ARHGAP19: variants seen among roughly 807,000 people sequenced by gnomAD.
ARHGAP19 encodes Rho GTPase activating protein 19.
A neutral mutation model predicts 60.9 loss-of-function variants in ARHGAP19; 48 were observed. That is an observed-to-expected ratio of 0.79 (90% CI 0.62 to 1.00). The LOEUF (loss-of-function observed/expected upper bound fraction) is 1.00, where lower values mean the gene tolerates loss of function less well. ARHGAP19 is among the 50% of genes least tolerant of loss of function. The pLI is 0.00. For missense variants in ARHGAP19, 562 were observed against 597.2 expected, an observed-to-expected ratio of 0.94 and a Z score of 0.61; for synonymous variants, 209 against 215.5, an observed-to-expected ratio of 0.97 and a Z score of 0.27.
chr10:97,231,043 G>A (rs1166325013), intron 9 of ARHGAP19, among the ~76,000 whole-genome samples: 3 of 41,732 alleles, frequency 7.2e-5, no homozygotes, highest in Non-Finnish European at 9.0e-5. Flanking sequence ...CACACCTAGT[G>A]AGACTCTTGT....
At chr10:97,236,803 GAAAAAAAAAAAAA>G (rs71007323) in intron 8 of ARHGAP19, among the ~76,000 whole-genome samples, 60 of 80,034 alleles carry the variant, frequency 7.5e-4, no homozygotes, top group African/African-American at 3.0e-3. Context: ...AACAGACTCA[GAAAAAAAAAAAAA>G]AAAAAAAAAT....
intron 6 of ARHGAP19, among the ~76,000 whole-genome samples, chr10:97,251,419 G>C (rs1842658241): frequency 3.3e-5 from 2 of 59,758 alleles, no homozygotes; most frequent in Admixed American, 1.4e-4. Flanking sequence ...GGAAAGGAAG[G>C]GGAAGGGAAG....
intron 1 of ARHGAP19, among the ~76,000 whole-genome samples, chr10:97,276,688 G>A (rs1270892625): frequency 5.8e-4 from 3 of 5,138 alleles, no homozygotes; most frequent in Admixed American, 4.5e-3. Context: ...CACCCCGTCC[G>A]GGAGGGAGGT....
chr10:97,264,923 T>C lies in ARHGAP19; in HGVS notation c.323-17A>G, dbSNP rs1362085415. On this transcript the variant is annotated splice_polypyrimidine_tract_variant and intron_variant, in intron 2 of 11. Transcript: ENST00000358531. ...CTCCTTTTTCTGAAAAACCATATGA[T>C]ATGACAGGGCTATATTTCACACAAA... The C allele has an allele frequency of 1.3e-6, 2 of 1,581,778 alleles. No homozygotes were observed. The highest frequency in any genetic ancestry group is 1.3e-5 in the African/African-American group (1 of 74,202).
chr10:97,279,461 C>A (rs1310564338), intron 1 of ARHGAP19, among the ~76,000 whole-genome samples: 2 of 144,386 alleles, frequency 1.4e-5, no homozygotes, highest in African/African-American at 5.1e-5. Flanking sequence ...GAACAAATTT[C>A]TTTCTTGCTT....
chr10:97,266,158 T>C, intron 1 of ARHGAP19, 33 bp from the exon 2 acceptor site: 1 of 1,609,054 alleles, frequency 6.2e-7, no homozygotes, highest in Non-Finnish European at 8.5e-7. Context: ...TTTCGGGACA[T>C]CATTTTTGTA....
intron 6 of ARHGAP19, among the ~76,000 whole-genome samples, chr10:97,253,813 G>A (rs956648096): frequency 1.3e-5 from 2 of 152,050 alleles, no homozygotes; most frequent in African/African-American, 4.8e-5. Flanking sequence ...CATATGCTGA[G>A]GTTGCTAAGA....
intron 1 of ARHGAP19, among the ~76,000 whole-genome samples, chr10:97,273,773 G>C (rs1842990159): frequency 6.6e-6 from 1 of 152,060 alleles, no homozygotes; most frequent in Non-Finnish European, 1.5e-5. Context: ...ACAGGCATGA[G>C]CCACCACACC....
At chr10:97,268,217 G>A (rs1842922626) in intron 1 of ARHGAP19, among the ~76,000 whole-genome samples, 2 of 152,146 alleles carry the variant, frequency 1.3e-5, no homozygotes, top group Non-Finnish European at 2.9e-5. Flanking sequence ...CTTTATATAA[G>A]TTCCCAACAA....
intron 1 of ARHGAP19, among the ~76,000 whole-genome samples, chr10:97,289,448 G>C (rs866325463): frequency 6.6e-6 from 1 of 152,042 alleles, no homozygotes; most frequent in African/African-American, 2.4e-5. Context: ...TGATGAAATG[G>C]TTTCAGGTTC....
rs1346804520 is a variant in ARHGAP19, at chr10:97,224,348, A to G, written c.*1774T>C. The G allele has an allele frequency of 2.0e-5, 3 of 152,256 alleles. No homozygotes were observed. Among genetic ancestry groups the G allele is most frequent in the African/African-American group, 7.2e-5 (3 of 41,472 alleles). 9.4% of individuals were successfully genotyped at this position (152,256 alleles called of 1,614,324 possible). ...TTTTCTTAATAAGAAAAAAAAAGTC[A>G]AATATTTAATAGAAACCTACGCAAA... is the stretch of plus-strand genomic sequence containing the variant. On this transcript the variant is annotated 3_prime_UTR_variant, in exon 12 of 12. Coordinates refer to ENST00000358531, the MANE Select transcript of ARHGAP19 (RefSeq NM_032900.6).
rs551505627 is a variant in ARHGAP19 at position 97,292,328 on chromosome 10, G to A, written c.56+244C>T. On this transcript the variant is annotated intron_variant, in intron 1 of 11. Coordinates refer to ENST00000358531, the MANE Select transcript of ARHGAP19 (RefSeq NM_032900.6). Reference sequence around the variant, plus strand: ...TCAGCGCTGCCACCCCCAGCTGGACGTCTGCAGCCAGCGCAGCGGGAGGAG... The same window carrying A: ...TCAGCGCTGCCACCCCCAGCTGGACATCTGCAGCCAGCGCAGCGGGAGGAG... Among the ~76,000 whole-genome samples the A allele has an allele frequency of 3.9e-5, 6 of 152,342 alleles. 1 individual carries two copies. In the South Asian group the frequency reaches 6.2e-4, roughly 16 times the overall value.
intron 1 of ARHGAP19, among the ~76,000 whole-genome samples, chr10:97,280,852 T>C (rs1824993549): frequency 6.6e-6 from 1 of 152,172 alleles, no homozygotes; most frequent in African/African-American, 2.4e-5. Flanking sequence ...CCCCAAGTGC[T>C]GGCATTAGGC....
chr10:97,292,449 G>A (rs1163771832), intron 1 of ARHGAP19, 123 bp downstream of exon 1: 1 of 1,309,230 alleles, frequency 7.6e-7, no homozygotes, highest in African/African-American at 1.5e-5. Flanking sequence ...GCGCGACGAT[G>A]AGAAACGCCG....
chr10:97,291,800 T>C (rs1161506584), intron 1 of ARHGAP19, among the ~76,000 whole-genome samples: 2 of 151,950 alleles, frequency 1.3e-5, no homozygotes, highest in East Asian at 1.9e-4. Flanking sequence ...AAAAACAAAA[T>C]TGTAATCAAT....
chr10:97,288,237 C>T (rs1843181072), intron 1 of ARHGAP19, among the ~76,000 whole-genome samples: 1 of 151,980 alleles, frequency 6.6e-6, no homozygotes, highest in Non-Finnish European at 1.5e-5. Context: ...ACCATTTTTC[C>T]TCTTCTTTAT....
rs879561476 is a variant in ARHGAP19 at position 97,283,553 on chromosome 10, C to CA, written c.56+9018dup. 4.9e-3 allele frequency among the ~76,000 whole-genome samples: 652 copies of CA among 132,936 alleles called. 1 individual carries two copies. The highest frequency in any genetic ancestry group is 7.8e-3 in the Middle Eastern group (2 of 258). 87.2% of individuals were successfully genotyped at this position (132,936 alleles called of 152,430 possible). On this transcript the variant is annotated intron_variant, in intron 1 of 11. Transcript: ENST00000358531. ...TGGGCAACAGAGTGAGACTCTGTCT[C>CA]AAAAAAAAAAAAAATTGTATTTCAA... is the stretch of plus-strand genomic sequence containing the variant.
Position 97,252,353 on chromosome 10 carries a change from T to G in ARHGAP19, c.927+3965A>C, listed in dbSNP as rs374152840. Among the ~76,000 whole-genome samples, 3 of 146,186 alleles carry G rather than the reference T, an allele frequency of 2.1e-5. No homozygotes were observed. In the East Asian group the frequency reaches 6.1e-4, roughly 30 times the overall value. ...AAAAAAAAAAATAGCCCGGGCGCGG[T>G]GGCTCACGCCTGTAATCCCAGCATT... On this transcript the variant is annotated intron_variant, in intron 6 of 11. Transcript: ENST00000358531.
chr10:97,242,324 CTTTTTTTT>C (rs1164708198), intron 8 of ARHGAP19, among the ~76,000 whole-genome samples: 7 of 55,786 alleles, frequency 1.3e-4, no homozygotes, highest in Admixed American at 1.2e-3. Context: ...TATCAGTGTT[CTTTTTTTT>C]TTTTTTTTTT....
Sources: gnomAD v4.1 joint callset for allele counts (sites outside exome capture counted in the v4.1 genomes callset) on GRCh38, gnomAD v4.1.1 for gene constraint, MANE v1.5 for transcripts, NCBI Gene and HGNC (gene_info 2026-07-23, HGNC 2026-07-21) for gene names.